The following EEA1 variants were observed in gnomAD, a reference collection of about 807,000 sequenced individuals.
EEA1 encodes early endosome antigen 1, 162kD.
Under a neutral mutation model 209.2 loss-of-function variants are expected in EEA1, and 111 were observed. The observed-to-expected ratio is 0.53, with a 90% CI of 0.45 to 0.62. The LOEUF (loss-of-function observed/expected upper bound fraction) is 0.62. Ranked by LOEUF, EEA1 falls within the 20% of genes least tolerant of loss-of-function variation. EEA1 has a pLI of 0.00. For synonymous variants in EEA1, 536 were observed against 540.6 expected, an observed-to-expected ratio of 0.99 and a Z score of 0.12; for missense variants, 1,343 against 1,530.8, an observed-to-expected ratio of 0.88 and a Z score of 2.05.
rs775072962 is a variant in EEA1 at position 92,832,763 on chromosome 12, T to C, written c.1003A>G (p.Ile335Val). ...HNEESVSKKN[I>V]QATLHQKDLD... ...TCTTTTTGATGAAGGGTTGCCTGAA[T>C]ATTCTTTTTACTCACAGATTCTTCA... is the stretch of plus-strand genomic sequence containing the variant. Residue 335 changes from isoleucine (I) to valine (V), a missense_variant, in exon 11 of 29, where the codon ATT (isoleucine) becomes GTT (valine). Ile to Val is a conservative substitution (Grantham distance 29). This residue lies in a region of EEA1 where 1,307 missense variants were observed against 1,465.5 expected (regional missense o/e 0.89). Coordinates refer to ENST00000322349, the MANE Select transcript of EEA1 (RefSeq NM_003566.4). 2 of 1,613,988 alleles carry C rather than the reference T, an allele frequency of 1.2e-6. No individual in the cohort carries two copies. The highest frequency in any genetic ancestry group is 1.1e-5 in the South Asian group (1 of 91,078).
chr12:92,855,457 T>C (rs1049961521), intron 5 of EEA1, among the ~76,000 whole-genome samples: 1 of 125,072 alleles, frequency 8.0e-6, no homozygotes, highest in African/African-American at 3.0e-5. Flanking sequence ...AAAAATGCTA[T>C]CAAACTATCA....
At position 92,922,023 on chromosome 12, in the gene EEA1, CT is replaced by C. The variant is rs199514480; in HGVS notation, c.24+7019del. Among the ~76,000 whole-genome samples, 1,179 of 152,224 alleles carry C rather than the reference CT, an allele frequency of 7.7e-3. 25 individuals carry two copies. Among genetic ancestry groups the C allele is most frequent in the African/African-American group, 0.026 (1,088 of 41,540 alleles). ...TTACTTCCTAGTCATTCATTTCCCC[CT>C]GTGACTCTCTTGAAACTGAAATAGG... On this transcript the variant is annotated intron_variant, in intron 1 of 28. Transcript: ENST00000322349.
chr12:92,836,204 A>G (rs919269337), intron 10 of EEA1, among the ~76,000 whole-genome samples: 1 of 152,248 alleles, frequency 6.6e-6, no homozygotes, highest in Admixed American at 6.5e-5. Flanking sequence ...TAAATTTTTC[A>G]TAACACAATT....
chr12:92,788,875 T>C (rs1874259258), intron 21 of EEA1, among the ~76,000 whole-genome samples: 1 of 152,178 alleles, frequency 6.6e-6, no homozygotes, highest in African/African-American at 2.4e-5. Flanking sequence ...CTTCCTACCT[T>C]ACTGGTGATA....
chr12:92,827,647 A>G (rs1876380829), intron 12 of EEA1, among the ~76,000 whole-genome samples: 1 of 152,230 alleles, frequency 6.6e-6, no homozygotes, highest in Admixed American at 6.5e-5. Flanking sequence ...GGAAGACTCT[A>G]GCAGCCTGAT....
intron 9 of EEA1, among the ~76,000 whole-genome samples, chr12:92,846,673 T>C (rs1877398365): frequency 6.6e-6 from 1 of 152,196 alleles, no homozygotes; most frequent in South Asian, 2.1e-4. Flanking sequence ...AAACAGCCAA[T>C]TATCTATAAA....
chr12:92,823,440 C>T (rs1386778259), intron 13 of EEA1, among the ~76,000 whole-genome samples: 1 of 152,204 alleles, frequency 6.6e-6, no homozygotes, highest in Non-Finnish European at 1.5e-5. Flanking sequence ...GTAAACTTCT[C>T]ACTACCACCA....
At chr12:92,816,496 T>TA in intron 14 of EEA1, 96 bp from the exon 15 acceptor site, 2 of 1,123,842 alleles carry the variant, frequency 1.8e-6, no homozygotes, top group Non-Finnish European at 1.3e-6. Flanking sequence ...TAAAGTGCTT[T>TA]ATGATAGTTT....
intron 11 of EEA1, among the ~76,000 whole-genome samples, chr12:92,831,005 T>A (rs1876600211): frequency 6.6e-6 from 1 of 152,230 alleles, no homozygotes; most frequent in Admixed American, 6.5e-5. Flanking sequence ...TTAATTCTTC[T>A]GATTCACTGT....
chr12:92,928,998 C>G lies in EEA1; in HGVS notation c.24+45G>C, dbSNP rs577044145. The G allele has an allele frequency of 5.1e-6, 8 of 1,566,560 alleles. No individual in the cohort carries two copies. The South Asian group carries it at 9.4e-5, about 18-fold the overall frequency. ...CCCGCGCCGCGGCCCCGAGCTCCGG[C>G]TGTCCCGCTCACGTGCTGCCAGAAA... On this transcript the variant is annotated intron_variant, in intron 1 of 28. Coordinates refer to ENST00000322349, the MANE Select transcript of EEA1 (RefSeq NM_003566.4).
At chr12:92,824,780 T>C (rs190254771) in intron 13 of EEA1, among the ~76,000 whole-genome samples, 204 of 152,340 alleles carry the variant, frequency 1.3e-3, no homozygotes, top group African/African-American at 4.8e-3. Flanking sequence ...GCTATATGTT[T>C]TGCCTATTTA....
At chr12:92,777,434 A>G in intron 27 of EEA1, 109 bp downstream of exon 27, 1 of 1,197,106 alleles carries the variant, frequency 8.4e-7, no homozygotes, top group Non-Finnish European at 1.2e-6. Flanking sequence ...GAGAGTAGCT[A>G]TTTGAAAGTA....
In EEA1 at chr12:92,857,499, G is replaced by T; in HGVS notation, c.246-14C>A. The T allele has an allele frequency of 6.4e-7, 1 of 1,551,486 alleles. No homozygotes were observed. The highest frequency in any genetic ancestry group is 2.3e-5 in the East Asian group (1 of 43,476). ...GTTACATCATCTCTAAATAAAAATG[G>T]GAGGAAGGAATTAATAGTCAATGTC... On this transcript the variant is annotated splice_polypyrimidine_tract_variant and intron_variant, in intron 3 of 28. Transcript: ENST00000322349.
chr12:92,827,968 C>G lies in EEA1; in HGVS notation c.1348G>C (p.Asp450His). The G allele has an allele frequency of 6.2e-7, 1 of 1,602,300 alleles. No individual in the cohort carries two copies. The highest frequency in any genetic ancestry group is 1.1e-5 in the South Asian group (1 of 88,774). ...QRQLSSEKLM[D>H]KEQQVADLQL... ...AAATCAGCCACTTGTTGTTCTTTAT[C>G]CATCAACTTTTCACTTGAAAGCTGT... The change falls in exon 12 of 29, where the codon GAT (aspartate) becomes CAT (histidine). Residue 450 changes from aspartate (D) to histidine (H), a missense_variant. Asp to His is a moderately conservative substitution (Grantham distance 81). This residue lies in a region of EEA1 where 1,307 missense variants were observed against 1,465.5 expected (regional missense o/e 0.89). Transcript: ENST00000322349.
chr12:92,792,456 G>A lies in EEA1; in HGVS notation c.2968-4407C>T, dbSNP rs189859835. Among the ~76,000 whole-genome samples the A allele has an allele frequency of 8.2e-3, 1,251 of 152,120 alleles. 24 individuals carry two copies. The highest frequency in any genetic ancestry group is 0.027 in the African/African-American group (1,135 of 41,500). On this transcript the variant is annotated intron_variant, in intron 21 of 28. Coordinates refer to ENST00000322349, the MANE Select transcript of EEA1 (RefSeq NM_003566.4). ...AAATGATAAAGGGGATATCACCACC[G>A]ATCCCACAGAAATACAAACTACCAT...
At chr12:92,902,940 T>C (rs951697668) in intron 1 of EEA1, among the ~76,000 whole-genome samples, 6 of 150,690 alleles carry the variant, frequency 4.0e-5, no homozygotes, top group African/African-American at 1.5e-4. Context: ...AACAGTCTTT[T>C]TTTTTTTTTT....
chr12:92,877,605 T>C (rs1878966651), intron 2 of EEA1, among the ~76,000 whole-genome samples: 1 of 152,200 alleles, frequency 6.6e-6, no homozygotes, highest in South Asian at 2.1e-4. Flanking sequence ...CTTGGCTCAC[T>C]GCAACCTCCA....
intron 22 of EEA1, among the ~76,000 whole-genome samples, chr12:92,787,563 A>C (rs1403113267): frequency 6.6e-6 from 1 of 152,118 alleles, no homozygotes; most frequent in Non-Finnish European, 1.5e-5. Flanking sequence ...TTACATTTAA[A>C]ACTTAACAGC....
chr12:92,851,577 A>G (rs1313327319), intron 8 of EEA1, among the ~76,000 whole-genome samples: 4 of 152,172 alleles, frequency 2.6e-5, no homozygotes, highest in Admixed American at 2.6e-4. Flanking sequence ...AAAATGCTAC[A>G]TTCCTTCTTT....
Sources: allele counts gnomAD v4.1 joint callset (sites outside exome capture counted in the v4.1 genomes callset), GRCh38; gene constraint gnomAD v4.1.1; regional missense constraint gnomAD v4.1.1; transcripts MANE v1.5; gene names NCBI Gene and HGNC (gene_info 2026-07-23, HGNC 2026-07-21).